The following PPA2 variants were observed in gnomAD, a reference collection of about 807,000 sequenced individuals.
PPA2 encodes inorganic pyrophosphatase 2, also known as inorganic pyrophosphatase 2, mitochondrial.
Under a neutral mutation model 49.5 loss-of-function variants are expected in PPA2, and 48 were observed. The ratio of observed to expected loss-of-function variants is 0.97; its 90% confidence interval spans 0.77 to 1.23. The LOEUF is 1.23. Among genes scored for constraint, PPA2 ranks in the 50% most tolerant of loss-of-function variants. PPA2 has a pLI of 0.00. For synonymous variants in PPA2, 131 were observed against 139.9 expected, an observed-to-expected ratio of 0.94 and a Z score of 0.45; for missense variants, 429 against 410.1, an observed-to-expected ratio of 1.05 and a Z score of -0.40.
At chr4:105,377,618 C>G (rs1308017421) in intron 10 of PPA2, among the ~76,000 whole-genome samples, 1 of 152,040 alleles carries the variant, frequency 6.6e-6, no homozygotes, top group African/African-American at 2.4e-5. Context: ...CATATATACA[C>G]TCATGAAGCC....
At chr4:105,423,916 C>A (rs1560624263) in intron 7 of PPA2, among the ~76,000 whole-genome samples, 1 of 151,422 alleles carries the variant, frequency 6.6e-6, no homozygotes, top group Admixed American at 6.6e-5. Flanking sequence ...GTTGGACCAT[C>A]AAAATCATGG....
rs1409516935 is a variant in PPA2 at position 105,369,375 on chromosome 4, C to G, written c.*350G>C. On this transcript the variant is annotated 3_prime_UTR_variant, in exon 12 of 12. Coordinates refer to ENST00000341695, the MANE Select transcript of PPA2 (RefSeq NM_176869.3). ...GAGTAGCTGGGTCTACAGGCATGCACCACCACGCCTGGCTAATTTTTGTAT... is the reference window on the plus strand; with the variant it reads ...GAGTAGCTGGGTCTACAGGCATGCAGCACCACGCCTGGCTAATTTTTGTAT... The G allele has an allele frequency of 5.0e-6, 1 of 199,734 alleles. No individual in the cohort carries two copies. Among genetic ancestry groups the G allele is most frequent in the Non-Finnish European group, 1.0e-5 (1 of 97,678 alleles). The allele number at this position is 199,734 out of a possible 1,614,324, so 12.4% of individuals were successfully genotyped here.
At chr4:105,468,172 T>G (rs905360177) in intron 1 of PPA2, among the ~76,000 whole-genome samples, 1 of 152,332 alleles carries the variant, frequency 6.6e-6, no homozygotes, top group Non-Finnish European at 1.5e-5. Flanking sequence ...AGCTGAGTAG[T>G]TGTGACAGAG....
intron 10 of PPA2, among the ~76,000 whole-genome samples, chr4:105,380,949 T>G (rs1415507087): frequency 6.6e-6 from 1 of 152,082 alleles, no homozygotes; most frequent in East Asian, 1.9e-4. Flanking sequence ...GGCATCAAGT[T>G]TACTAGAAAT....
chr4:105,425,781 C>G (rs1218239484), intron 6 of PPA2, among the ~76,000 whole-genome samples: 1 of 149,088 alleles, frequency 6.7e-6, no homozygotes, highest in East Asian at 2.0e-4. Context: ...AATAAACAAA[C>G]AAACAAAATC....
chr4:105,370,544 A>G (rs1732980605), intron 11 of PPA2: 1 of 933,474 alleles, frequency 1.1e-6, no homozygotes. Context: ...TAAATCTTTT[A>G]AAATTAAATG....
At chr4:105,459,585 A>G (rs1238959498) in intron 1 of PPA2, among the ~76,000 whole-genome samples, 1 of 152,248 alleles carries the variant, frequency 6.6e-6, no homozygotes, top group Non-Finnish European at 1.5e-5. Context: ...AGAAATAAAA[A>G]CATGTTCACC....
At chr4:105,425,762 A>ACACACACACC (rs1367711764) in intron 6 of PPA2, among the ~76,000 whole-genome samples, 3 of 140,046 alleles carry the variant, frequency 2.1e-5, no homozygotes, top group African/African-American at 9.5e-5. Flanking sequence ...ACACACACAC[A>ACACACACACC]CCCATCAGAA....
At chr4:105,441,917 A>G (rs1011227441) in intron 5 of PPA2, among the ~76,000 whole-genome samples, 3 of 152,088 alleles carry the variant, frequency 2.0e-5, no homozygotes, top group African/African-American at 7.2e-5. Flanking sequence ...AAAGCCATAT[A>G]TACAGGTGGT....
intron 11 of PPA2, 144 bp from the exon 12 acceptor site, chr4:105,369,897 A>G (rs1732955300): frequency 2.7e-6 from 2 of 736,354 alleles, no homozygotes; most frequent in Admixed American, 4.7e-5. Flanking sequence ...GCATTTCTCT[A>G]TTTAAAGCTA....
At chr4:105,426,608 G>A (rs1723524391) in intron 6 of PPA2, among the ~76,000 whole-genome samples, 1 of 152,246 alleles carries the variant, frequency 6.6e-6, no homozygotes. Flanking sequence ...AGATCAACCT[G>A]GGATGTGGGA....
intron 1 of PPA2, among the ~76,000 whole-genome samples, chr4:105,467,318 G>A (rs1723344921): frequency 6.6e-6 from 1 of 152,166 alleles, no homozygotes; most frequent in Admixed American, 6.5e-5. Context: ...GAGCACTGAA[G>A]GCATAAAAAG....
At chr4:105,384,262 C>A (rs1733601328) in intron 10 of PPA2, among the ~76,000 whole-genome samples, 1 of 152,116 alleles carries the variant, frequency 6.6e-6, no homozygotes, top group African/African-American at 2.4e-5. Flanking sequence ...ATGCAGTATT[C>A]TCAGTGAAAA....
intron 3 of PPA2, among the ~76,000 whole-genome samples, chr4:105,451,879 T>C (rs566576587): frequency 6.6e-6 from 1 of 152,340 alleles, no homozygotes; most frequent in Non-Finnish European, 1.5e-5. Flanking sequence ...CTGTAATTAA[T>C]TTTTTAAAGC....
At chr4:105,430,828 T>C (rs770511270) in intron 6 of PPA2, among the ~76,000 whole-genome samples, 1 of 152,238 alleles carries the variant, frequency 6.6e-6, no homozygotes, top group Non-Finnish European at 1.5e-5. Context: ...AAACAGACAC[T>C]GTGTGATGGG....
chr4:105,372,414 A>G (rs1733063955), intron 10 of PPA2, among the ~76,000 whole-genome samples: 1 of 152,200 alleles, frequency 6.6e-6, no homozygotes, highest in African/African-American at 2.4e-5. Context: ...CCACCAGAAG[A>G]AAGATTTATA....
intron 7 of PPA2, chr4:105,405,397 C>G (rs895228527): frequency 1.3e-6 from 1 of 782,410 alleles, no homozygotes; most frequent in Non-Finnish European, 1.5e-6. Flanking sequence ...ACAACAGACA[C>G]GTTTACTTTT....
chr4:105,426,765 T>A (rs929431649), intron 6 of PPA2, among the ~76,000 whole-genome samples: 10 of 152,260 alleles, frequency 6.6e-5, no homozygotes, highest in African/African-American at 2.4e-4. Flanking sequence ...ATTCTACCTC[T>A]GGGGCAGAGC....
chr4:105,453,531 A>C (rs1722752044), intron 3 of PPA2, 67 bp downstream of exon 3: 3 of 1,196,634 alleles, frequency 2.5e-6, no homozygotes, highest in Admixed American at 2.6e-5. Context: ...ACAAATGCAA[A>C]CTATCATCAA....
Sources: allele counts gnomAD v4.1 joint callset (sites outside exome capture counted in the v4.1 genomes callset), GRCh38; gene constraint gnomAD v4.1.1; transcripts MANE v1.5; gene names NCBI Gene and HGNC (gene_info 2026-07-23, HGNC 2026-07-21).